The following GRIN2D variants were observed in gnomAD, a reference collection of about 807,000 sequenced individuals.
The protein encoded by GRIN2D is glutamate receptor ionotropic, NMDA 2D.
In GRIN2D, 37 loss-of-function variants were observed where a neutral mutation model predicts 103.2. The ratio of observed to expected loss-of-function variants is 0.36; its 90% CI spans 0.28 to 0.47. GRIN2D has a LOEUF of 0.47. GRIN2D is among the 20% of genes least tolerant of loss of function. The probability of loss-of-function intolerance (pLI) is 1.00; values close to 1 mark genes in which losing one functional copy is unlikely to be tolerated. For synonymous variants in GRIN2D, 845 were observed against 885.6 expected (o/e 0.95, Z 0.81); for missense variants, 1,557 against 1,910.6 (o/e 0.81, Z 3.45).
chr19:48,412,426 A>AAAGAAAGG (rs1970877161), intron 4 of GRIN2D, among the ~76,000 whole-genome samples: 1 of 51,022 alleles, frequency 2.0e-5, no homozygotes, highest in Non-Finnish European at 3.6e-5. Flanking sequence ...GAAAGAAAAG[A>AAAGAAAGG]AAGAAAGAAA....
At chr19:48,396,184 G>A (rs1156911944) in intron 2 of GRIN2D, among the ~76,000 whole-genome samples, 1 of 151,996 alleles carries the variant, frequency 6.6e-6, no homozygotes. Context: ...GAGGCGGGGG[G>A]AGCGGGGGGT....
chr19:48,435,904 T>C (rs1971223636), intron 11 of GRIN2D, among the ~76,000 whole-genome samples: 1 of 152,236 alleles, frequency 6.6e-6, no homozygotes, highest in Non-Finnish European at 1.5e-5. Context: ...GAATATTCTA[T>C]AGTGCATTCC....
intron 3 of GRIN2D, among the ~76,000 whole-genome samples, chr19:48,401,851 A>G (rs1351348881): frequency 6.6e-6 from 1 of 152,228 alleles, no homozygotes; most frequent in African/African-American, 2.4e-5. Flanking sequence ...CTGGAATCCC[A>G]CCACTTTGGG....
intron 3 of GRIN2D, among the ~76,000 whole-genome samples, chr19:48,402,093 TGAAA>T (rs138716025): frequency 0.011 from 1,385 of 122,242 alleles, 29 homozygotes; most frequent in African/African-American, 0.04. Context: ...GAGCGAAACT[TGAAA>T]GAAAGAGAGA....
Position 48,442,830 on chromosome 19 carries a change from C to T in GRIN2D, c.2904C>T (p.Ile968=), listed in dbSNP as rs1600997600. 1 of 1,079,054 alleles carries T rather than the reference C, an allele frequency of 9.3e-7. No homozygotes were observed. Among genetic ancestry groups the T allele is most frequent in the Non-Finnish European group, 1.1e-6 (1 of 891,436 alleles). The allele number at this position is 1,079,054 out of a possible 1,614,324, so 66.8% of individuals were successfully genotyped here. ...ADGFHRYYGP[I]EPQGLGLGLG... is the part of the protein sequence containing the mutation. ...GCTTCCACCGCTACTACGGCCCCAT[C>T]GAGCCGCAGGGCCTAGGCCTCGGCC... Residue 968 remains isoleucine, a synonymous_variant, in exon 14 of 14, where the codon ATC becomes ATT. Coordinates refer to ENST00000263269, the MANE Select transcript of GRIN2D (RefSeq NM_000836.4). The surrounding 1 kb of genome is among the most constrained non-coding windows in gnomAD (Gnocchi z 7.2).
Position 48,444,217 on chromosome 19 carries a change from T to G in GRIN2D, c.*280T>G. ...ACAAGGGCTTTTTAACGTCACCAGATGGGGCGGGAGGTGGGGGGTTCACGC... is the reference window on the plus strand; with the variant it reads ...ACAAGGGCTTTTTAACGTCACCAGAGGGGGCGGGAGGTGGGGGGTTCACGC... On this transcript the variant is annotated 3_prime_UTR_variant, in exon 14 of 14. Coordinates refer to ENST00000263269, the MANE Select transcript of GRIN2D (RefSeq NM_000836.4). This position sits in a 1 kb window ranked among gnomAD's most constrained non-coding sequence, Gnocchi z 5.5. The G allele has an allele frequency of 1.1e-4, 29 of 265,126 alleles. No individual in the cohort carries two copies. Among genetic ancestry groups the G allele is most frequent in the Middle Eastern group, 1.1e-3 (1 of 908 alleles). The allele number at this position is 265,126 out of a possible 1,614,324, so 16.4% of individuals were successfully genotyped here.
intron 7 of GRIN2D, 97 bp downstream of exon 7, chr19:48,415,129 G>C (rs1970928413): frequency 8.7e-7 from 1 of 1,149,252 alleles, no homozygotes; most frequent in Admixed American, 2.5e-5. Flanking sequence ...CCAGCACTTT[G>C]GGAAGCCGAG....
chr19:48,443,611 C>T lies in GRIN2D; in HGVS notation c.3685C>T (p.Pro1229Ser). 9.0e-7 allele frequency: 1 copy of T among 1,110,650 alleles called. No homozygotes were observed. The highest frequency in any genetic ancestry group is 1.1e-6 in the Non-Finnish European group (1 of 912,868). The allele number at this position is 1,110,650 out of a possible 1,614,324, so 68.8% of individuals were successfully genotyped here. ...CCGACGCCGGGCCCGCTGCGGGTGC[C>T]CGCGGTCGCACCCGCACCGCCCGCG... ...LPRRRARCGC[P>S]RSHPHRPRAS... The change falls in exon 14 of 14, where the codon CCG becomes TCG. Residue 1229 changes from proline to serine, a missense_variant. Physicochemically the swap from Pro to Ser is moderately conservative, Grantham distance 74 (BLOSUM62 -1). Around this residue, in one of 7 missense-constraint regions of GRIN2D, gnomAD observed 632 missense variants for 572.8 expected, o/e 1.10. Coordinates refer to ENST00000263269, the MANE Select transcript of GRIN2D (RefSeq NM_000836.4). This position sits in a 1 kb window ranked among gnomAD's most constrained non-coding sequence, Gnocchi z 8.9.
chr19:48,441,362 C>CAAA (rs1173219939), intron 11 of GRIN2D, among the ~76,000 whole-genome samples: 27 of 127,306 alleles, frequency 2.1e-4, no homozygotes, highest in African/African-American at 6.6e-4. Flanking sequence ...GACTCTGTCT[C>CAAA]AAAAAAAAAA....
chr19:48,407,011 C>T (rs552850628), intron 4 of GRIN2D, among the ~76,000 whole-genome samples: 1 of 148,764 alleles, frequency 6.7e-6, no homozygotes, highest in African/African-American at 2.5e-5. Flanking sequence ...CGGAGTCTCA[C>T]TCTGTCGCCC....
chr19:48,426,295 G>A (rs767080265), intron 11 of GRIN2D, among the ~76,000 whole-genome samples: 10 of 138,198 alleles, frequency 7.2e-5, no homozygotes, highest in East Asian at 2.1e-4. Context: ...GCGCGATCTC[G>A]GCTCACTGCA....
intron 8 of GRIN2D, 108 bp from the exon 9 acceptor site, chr19:48,419,126 G>T: frequency 2.1e-6 from 2 of 937,526 alleles, no homozygotes; most frequent in South Asian, 2.0e-5. Context: ...TGATCCTCCT[G>T]CCTCAGCCTC....
At chr19:48,407,968 G>A (rs766203292) in intron 4 of GRIN2D, among the ~76,000 whole-genome samples, 6 of 152,064 alleles carry the variant, frequency 3.9e-5, no homozygotes, top group African/African-American at 1.2e-4. Context: ...CAGGAGGATC[G>A]CTAGAGGCCA....
chr19:48,404,296 C>T (rs1378394300), intron 3 of GRIN2D, among the ~76,000 whole-genome samples: 6 of 151,298 alleles, frequency 4.0e-5, no homozygotes, highest in Admixed American at 2.0e-4. Context: ...GGCTTTCCTC[C>T]GTATGGTGAC....
At position 48,444,126 on chromosome 19, in the gene GRIN2D, C is replaced by G; in HGVS notation, c.*189C>G. 1 of 425,342 alleles carries G rather than the reference C, an allele frequency of 2.4e-6. No individual in the cohort carries two copies. Among genetic ancestry groups the G allele is most frequent in the Admixed American group, 4.4e-5 (1 of 22,644 alleles). The allele number at this position is 425,342 out of a possible 1,614,324, so 26.3% of individuals were successfully genotyped here. A position where few individuals can be genotyped will look rare whatever the true frequency, so the allele number is the denominator to read the frequency against. The stretch of plus-strand genomic sequence containing the variant: ...AGCCGGAGAGGATTTGGTCCCTCAA[C>G]TATCACCCAGCCTGAGAACGAGGGG... On this transcript the variant is annotated 3_prime_UTR_variant, in exon 14 of 14. Transcript: ENST00000263269. The surrounding 1 kb of genome is among the most constrained non-coding windows in gnomAD (Gnocchi z 5.5).
At chr19:48,402,325 G>T (rs1970726548) in intron 3 of GRIN2D, among the ~76,000 whole-genome samples, 1 of 152,034 alleles carries the variant, frequency 6.6e-6, no homozygotes, top group African/African-American at 2.4e-5. Context: ...GAATGTGTGA[G>T]GGAAAGAAAG....
chr19:48,413,252 A>G (rs1970898926), intron 4 of GRIN2D, among the ~76,000 whole-genome samples: 1 of 145,290 alleles, frequency 6.9e-6, no homozygotes. Flanking sequence ...AGGCAGGTGG[A>G]TCACTGAGGC....
rs1478592652 is a variant in GRIN2D, at chr19:48,443,710, C to A, written c.3784C>A (p.Leu1262Ile). Residue 1262 changes from leucine (L) to isoleucine (I), a missense_variant, in exon 14 of 14, where the codon CTC becomes ATC. Physicochemically the swap from Leu to Ile is conservative, Grantham distance 5. This residue lies in a region of GRIN2D where 632 missense variants were observed against 572.8 expected (regional missense o/e 1.10). Transcript: ENST00000263269. The surrounding 1 kb of genome is among the most constrained non-coding windows in gnomAD (Gnocchi z 8.9). ...CCGGCGCGCCGCTGGGGGCTGGGAC[C>A]TCCCGCCGCCCGCGCCCACCTCGCG... Reference protein sequence around the residue: ...RHRRAAGGWDLPPPAPTSRSL... With the variant: ...RHRRAAGGWDIPPPAPTSRSL... 7.6e-7 allele frequency: 1 copy of A among 1,308,594 alleles called. No homozygotes were observed. The highest frequency in any genetic ancestry group is 2.1e-5 in the South Asian group (1 of 48,706). The allele number at this position is 1,308,594 out of a possible 1,614,324, so 81.1% of individuals were successfully genotyped here.
chr19:48,394,023 G>A lies in GRIN2D; in HGVS notation c.-306+155G>A, dbSNP rs1258836625. 6.6e-6 allele frequency among the ~76,000 whole-genome samples: 1 copy of A among 151,756 alleles called. No homozygotes were observed. Among genetic ancestry groups the A allele is most frequent in the Non-Finnish European group, 1.5e-5 (1 of 67,944 alleles). Reference sequence around the variant, plus strand: ...CGTGGGGCTCCCGCTCCTTCCCCCCGGCCCCCCCAAACCCAGATGGATGGT... The same window carrying A: ...CGTGGGGCTCCCGCTCCTTCCCCCCAGCCCCCCCAAACCCAGATGGATGGT... On this transcript the variant is annotated intron_variant, in intron 1 of 13. Coordinates refer to ENST00000263269, the MANE Select transcript of GRIN2D (RefSeq NM_000836.4). The surrounding 1 kb of genome is among the most constrained non-coding windows in gnomAD (Gnocchi z 5.1).
Sources: allele counts gnomAD v4.1 joint callset (sites outside exome capture counted in the v4.1 genomes callset), GRCh38; gene constraint gnomAD v4.1.1; regional missense constraint gnomAD v4.1.1; non-coding constraint Gnocchi (gnomAD v3.1); transcripts MANE v1.5; gene names NCBI Gene and HGNC (gene_info 2026-07-23, HGNC 2026-07-21).